The following GRIK4 variants were observed in gnomAD, a reference collection of about 807,000 sequenced individuals.
GRIK4 encodes the protein glutamate receptor ionotropic, kainate 4.
A neutral mutation model predicts 104.9 loss-of-function variants in GRIK4; 40 were observed. The ratio of observed to expected loss-of-function variants is 0.38; its 90% CI spans 0.30 to 0.50. The LOEUF is 0.50. Ranked by LOEUF, GRIK4 falls within the 20% of genes least tolerant of loss-of-function variation. The probability of loss-of-function intolerance (pLI) is 0.93; values close to 1 mark genes in which losing one functional copy is unlikely to be tolerated. For missense variants in GRIK4, 1,047 were observed against 1,308.1 expected (o/e 0.80, Z 3.08); for synonymous variants, 485 against 524.9 (o/e 0.92, Z 1.04).
chr11:120,953,625 A>T lies in GRIK4; in HGVS notation c.1700+661A>T, dbSNP rs2134695793. On this transcript the variant is annotated intron_variant, in intron 15 of 20. Coordinates refer to ENST00000527524, the MANE Select transcript of GRIK4 (RefSeq NM_014619.5). This position sits in a 1 kb window ranked among gnomAD's most constrained non-coding sequence, Gnocchi z 4.9. ...GCCAGACCAGGGAGGGGGGAGAATA[A>T]GCCCTGCCCTATCCCCAGGAAACCA... Among the ~76,000 whole-genome samples, 1 of 152,186 alleles carries T rather than the reference A, an allele frequency of 6.6e-6. No homozygotes were observed. The highest frequency in any genetic ancestry group is 6.5e-5 in the Admixed American group (1 of 15,298).
intron 13 of GRIK4, among the ~76,000 whole-genome samples, chr11:120,931,657 T>C (rs1278402615): frequency 6.6e-6 from 1 of 152,094 alleles, no homozygotes; most frequent in African/African-American, 2.4e-5. Context: ...ATAAGGATAA[T>C]AATAGTAACC....
chr11:120,574,171 G>C (rs1428196699), intron 1 of GRIK4, among the ~76,000 whole-genome samples: 1 of 152,158 alleles, frequency 6.6e-6, no homozygotes, highest in Non-Finnish European at 1.5e-5. Context: ...TGCGTGGTGG[G>C]GCTCTGTCAT....
In GRIK4 at chr11:120,661,889, A is replaced by G. The variant is rs979657116; in HGVS notation, c.82+1489A>G. On this transcript the variant is annotated intron_variant, in intron 3 of 20. Transcript: ENST00000527524. ...CTCCCTCTTCTCCGTTCATTTTTAC[A>G]GAAACTTCAAAACCTAATTTAATTC... is the stretch of plus-strand genomic sequence containing the variant. Among the ~76,000 whole-genome samples, 7 of 152,252 alleles carry G rather than the reference A, an allele frequency of 4.6e-5. No individual in the cohort carries two copies. In the East Asian group the frequency reaches 1.3e-3, roughly 29 times the overall value.
intron 1 of GRIK4, among the ~76,000 whole-genome samples, chr11:120,584,502 T>G (rs140543006): frequency 8.6e-4 from 131 of 152,186 alleles, no homozygotes; most frequent in African/African-American, 3.0e-3. Flanking sequence ...GTGAGTGAGA[T>G]AGAGACAGAG....
chr11:120,790,589 G>A (rs1952374456), intron 3 of GRIK4, among the ~76,000 whole-genome samples: 1 of 152,234 alleles, frequency 6.6e-6, no homozygotes, highest in African/African-American at 2.4e-5. Flanking sequence ...TAGCTAAGTG[G>A]TCATAGAATT....
chr11:120,874,103 T>C lies in GRIK4; in HGVS notation c.944T>C (p.Val315Ala). 6.2e-7 allele frequency: 1 copy of C among 1,613,880 alleles called. No individual in the cohort carries two copies. Among genetic ancestry groups the C allele is most frequent in the Middle Eastern group, 1.6e-4 (1 of 6,062 alleles). ...CTGCTGTTTGATGCTGTCTATGCTG[T>C]GGTGACTGCGGTGCAGGAACTGAAC... The part of the protein sequence containing the change: ...SALLFDAVYA[V>A]VTAVQELNRS... The change falls in exon 10 of 21, where the codon GTG becomes GCG. Residue 315 changes from valine (V) to alanine (A), a missense_variant. Val to Ala is a moderately conservative substitution (Grantham distance 64). Around this residue, in one of 3 missense-constraint regions of GRIK4, gnomAD observed 447 missense variants for 514.9 expected, o/e 0.87. Coordinates refer to ENST00000527524, the MANE Select transcript of GRIK4 (RefSeq NM_014619.5).
At chr11:120,815,024 C>G (rs1952910897) in intron 4 of GRIK4, among the ~76,000 whole-genome samples, 2 of 152,258 alleles carry the variant, frequency 1.3e-5, no homozygotes, top group Admixed American at 6.5e-5. Flanking sequence ...CCCTACCCCC[C>G]TGCAGGCCAG....
At chr11:120,694,699 G>A (rs1950413936) in intron 3 of GRIK4, among the ~76,000 whole-genome samples, 1 of 152,188 alleles carries the variant, frequency 6.6e-6, no homozygotes, top group Admixed American at 6.5e-5. Flanking sequence ...CTGAGGCTTA[G>A]GTCTCCTGGG....
intron 3 of GRIK4, among the ~76,000 whole-genome samples, chr11:120,700,267 T>C (rs1007478739): frequency 1.1e-3 from 126 of 109,622 alleles, no homozygotes; most frequent in Admixed American, 2.9e-3. Context: ...ATTACTACTT[T>C]TTTTTTTTTT....
chr11:120,535,118 C>T lies in GRIK4; in HGVS notation c.-159+23231C>T, dbSNP rs571677043. 2.0e-5 allele frequency among the ~76,000 whole-genome samples: 3 copies of T among 152,240 alleles called. No individual in the cohort carries two copies. In the South Asian group the frequency reaches 6.2e-4, roughly 32 times the overall value. ...ACCATGGTCAATTTTAAGTTGCCAA[C>T]GTGATGTCACTAAATGCGGAGCTGG... On this transcript the variant is annotated intron_variant, in intron 1 of 20. Transcript: ENST00000527524.
intron 1 of GRIK4, among the ~76,000 whole-genome samples, chr11:120,605,388 G>T (rs1948946617): frequency 6.6e-6 from 1 of 152,164 alleles, no homozygotes; most frequent in Non-Finnish European, 1.5e-5. Context: ...TTAGGCACAG[G>T]GGACAAAATC....
intron 1 of GRIK4, among the ~76,000 whole-genome samples, chr11:120,637,940 C>T (rs1417534713): frequency 2.0e-5 from 3 of 152,010 alleles, no homozygotes; most frequent in South Asian, 2.1e-4. Flanking sequence ...AGTGCAATGG[C>T]GTGATCTCGG....
intron 3 of GRIK4, among the ~76,000 whole-genome samples, chr11:120,777,707 C>T (rs1022564820): frequency 7.2e-5 from 11 of 152,244 alleles, no homozygotes; most frequent in South Asian, 2.1e-4. Flanking sequence ...GAGGCCAAGG[C>T]GGGTGGATCA....
chr11:120,851,115 G>C (rs1313207044), intron 8 of GRIK4, among the ~76,000 whole-genome samples: 1 of 152,100 alleles, frequency 6.6e-6, no homozygotes, highest in Non-Finnish European at 1.5e-5. Flanking sequence ...AGTTGAGATA[G>C]TCCTAAACCC....
At chr11:120,920,290 C>T (rs781466291) in intron 13 of GRIK4, among the ~76,000 whole-genome samples, 1 of 151,876 alleles carries the variant, frequency 6.6e-6, no homozygotes, top group African/African-American at 2.4e-5. Flanking sequence ...TGAGTGTTCG[C>T]TCTCTCCTCT....
intron 3 of GRIK4, among the ~76,000 whole-genome samples, chr11:120,707,708 G>A (rs1009901052): frequency 1.3e-5 from 2 of 152,198 alleles, no homozygotes; most frequent in African/African-American, 2.4e-5. Flanking sequence ...AGCTGAATGG[G>A]CAGCTAGACA....
At chr11:120,892,854 A>G (rs907974946) in intron 11 of GRIK4, among the ~76,000 whole-genome samples, 1 of 152,182 alleles carries the variant, frequency 6.6e-6, no homozygotes, top group Non-Finnish European at 1.5e-5. Context: ...GCTCTCCTTA[A>G]AATTCTTTCA....
intron 1 of GRIK4, among the ~76,000 whole-genome samples, chr11:120,633,276 A>G (rs540395199): frequency 1.3e-5 from 2 of 152,340 alleles, no homozygotes; most frequent in African/African-American, 4.8e-5. Context: ...TCAGGCTTTC[A>G]GAGCCCTGTA....
chr11:120,530,363 C>G (rs1947910681), intron 1 of GRIK4, among the ~76,000 whole-genome samples: 1 of 152,054 alleles, frequency 6.6e-6, no homozygotes, highest in African/African-American at 2.4e-5. Flanking sequence ...ATTGCAGGCT[C>G]TAGAAGATGG....
Sources: gnomAD v4.1 joint callset for allele counts (sites outside exome capture counted in the v4.1 genomes callset) on GRCh38, gnomAD v4.1.1 for gene constraint, gnomAD v4.1.1 regional missense constraint, Gnocchi (gnomAD v3.1) non-coding constraint, MANE v1.5 for transcripts, NCBI Gene and HGNC (gene_info 2026-07-23, HGNC 2026-07-21) for gene names.